ABCC12: variants seen among roughly 807,000 people sequenced by gnomAD.
ABCC12 encodes ATP-binding cassette sub-family C member 12.
ABCC12 carries 142 observed loss-of-function variants against 151.1 expected under a neutral mutation model. The observed-to-expected ratio is 0.94, with a 90% CI of 0.82 to 1.08. The LOEUF (loss-of-function observed/expected upper bound fraction) is 1.08, where lower values mean the gene tolerates loss of function less well. Ranked by LOEUF, ABCC12 falls within the 50% of genes least tolerant of loss-of-function variation. The probability of loss-of-function intolerance (pLI) is 0.00; values close to 1 mark genes in which losing one functional copy is unlikely to be tolerated. For synonymous variants in ABCC12, 645 were observed against 646.4 expected (o/e 1.00, Z 0.03); for missense variants, 1,638 against 1,691.1 (o/e 0.97, Z 0.55).
chr16:48,129,566 C>T (rs944085662), intron 10 of ABCC12, among the ~76,000 whole-genome samples: 3 of 152,122 alleles, frequency 2.0e-5, no homozygotes, highest in Admixed American at 6.5e-5. Context: ...ACTGAGAACC[C>T]ACAGCTGGAG....
chr16:48,137,013 A>G (rs1964633243), intron 8 of ABCC12, among the ~76,000 whole-genome samples: 1 of 152,186 alleles, frequency 6.6e-6, no homozygotes, highest in East Asian at 1.9e-4. Flanking sequence ...AGAAGCCACT[A>G]TTTTCCAACA....
At chr16:48,138,182 T>C in intron 8 of ABCC12, 46 bp downstream of exon 8, 1 of 1,554,858 alleles carries the variant, frequency 6.4e-7, no homozygotes, top group South Asian at 1.2e-5. Context: ...TAGAAGAGCA[T>C]ATTCTACAAG....
chr16:48,111,845 G>T lies in ABCC12; in HGVS notation c.2055C>A (p.His685Gln). ...EDGEICEKGT[H>Q]KELMEERGRY... ...GCCCTCTCTCCTCCATTAACTCCTT[G>T]TGGGTTCCCTTTTCACAAATCTCTC... is the stretch of plus-strand genomic sequence containing the variant. The change falls in exon 16 of 31, where the codon CAC becomes CAA. Residue 685 changes from histidine (H) to glutamine (Q), a missense_variant. Physicochemically the swap from His to Gln is conservative, Grantham distance 24. Transcript: ENST00000311303. 3.7e-6 allele frequency: 6 copies of T among 1,614,136 alleles called. No homozygotes were observed. Among genetic ancestry groups the T allele is most frequent in the Non-Finnish European group, 5.1e-6 (6 of 1,180,036 alleles).
At chr16:48,096,972 G>T (rs1162295787) in intron 23 of ABCC12, 70 bp from the exon 24 acceptor site, 1 of 1,598,548 alleles carries the variant, frequency 6.3e-7, no homozygotes, top group East Asian at 2.2e-5. Flanking sequence ...AGATCAGGTT[G>T]TGCTGTAGAC....
At chr16:48,141,100 A>G in intron 5 of ABCC12, 106 bp downstream of exon 5, 1 of 1,495,998 alleles carries the variant, frequency 6.7e-7, no homozygotes, top group Non-Finnish European at 9.0e-7. Flanking sequence ...GAGCGCAAAG[A>G]TAATGACAAT....
At chr16:48,140,295 C>G (rs989213834) in intron 6 of ABCC12, among the ~76,000 whole-genome samples, 1 of 151,990 alleles carries the variant, frequency 6.6e-6, no homozygotes, top group Non-Finnish European at 1.5e-5. Context: ...TAGGCATGGT[C>G]TTCATTGTGG....
At chr16:48,120,421 C>T (rs1964026156) in intron 13 of ABCC12, among the ~76,000 whole-genome samples, 1 of 152,144 alleles carries the variant, frequency 6.6e-6, no homozygotes, top group Admixed American at 6.5e-5. Flanking sequence ...CAGCATCACA[C>T]TATATACCCC....
chr16:48,135,260 T>A (rs1964570667), intron 8 of ABCC12, among the ~76,000 whole-genome samples: 1 of 152,182 alleles, frequency 6.6e-6, no homozygotes, highest in African/African-American at 2.4e-5. Flanking sequence ...AAGGCCCTCC[T>A]TTCTCCTGCG....
intron 14 of ABCC12, among the ~76,000 whole-genome samples, chr16:48,116,375 C>T (rs1258200610): frequency 6.6e-6 from 1 of 152,184 alleles, no homozygotes; most frequent in Non-Finnish European, 1.5e-5. Flanking sequence ...AGCAGAATTT[C>T]ACAAGCGCCT....
chr16:48,145,292 A>G (rs1190301456), intron 3 of ABCC12, among the ~76,000 whole-genome samples: 1 of 152,176 alleles, frequency 6.6e-6, no homozygotes, highest in African/African-American at 2.4e-5. Context: ...AGAACAAACC[A>G]CAGGGCCTCG....
At chr16:48,108,128 T>C (rs1187545721) in intron 19 of ABCC12, among the ~76,000 whole-genome samples, 1 of 152,196 alleles carries the variant, frequency 6.6e-6, no homozygotes, top group Non-Finnish European at 1.5e-5. Flanking sequence ...GCATCTTTTA[T>C]GGAAGGCTGG....
At chr16:48,110,507 G>A (rs1963647895) in intron 18 of ABCC12, among the ~76,000 whole-genome samples, 1 of 152,178 alleles carries the variant, frequency 6.6e-6, no homozygotes, top group South Asian at 2.1e-4. Context: ...CCAGCATGGG[G>A]CAAGGGGCAG....
chr16:48,101,659 T>C (rs1446390684), intron 22 of ABCC12, among the ~76,000 whole-genome samples: 1 of 151,752 alleles, frequency 6.6e-6, no homozygotes, highest in African/African-American at 2.4e-5. Flanking sequence ...GGAAGTCTCA[T>C]TAGTGCAGAG....
chr16:48,123,304 C>G (rs79865565), intron 12 of ABCC12, among the ~76,000 whole-genome samples: 7 of 152,128 alleles, frequency 4.6e-5, no homozygotes, highest in Non-Finnish European at 7.4e-5. Context: ...CTATGGCTCA[C>G]GCTGACTCAT....
At chr16:48,117,521 C>A (rs886433449) in intron 13 of ABCC12, among the ~76,000 whole-genome samples, 188 bp from the exon 14 acceptor site, 1 of 152,212 alleles carries the variant, frequency 6.6e-6, no homozygotes, top group South Asian at 2.1e-4. Context: ...GACCACTGGC[C>A]CCTCCCCTGA....
At position 48,140,778 on chromosome 16, in the gene ABCC12, C is replaced by G; in HGVS notation, c.566G>C (p.Arg189Pro). ...FWALAWAINYRTAIRLKVALS... is the reference protein window; with the variant it reads ...FWALAWAINYPTAIRLKVALS... ...CGCCACCTTCAACCGGATGGCCGTG[C>G]GGTAGTTGATGGCCCAGGCAAGGGC... The change falls in exon 6 of 31, where the codon CGC becomes CCC. Residue 189 changes from arginine to proline, a missense_variant. By Grantham distance (103) the Arg-to-Pro change is moderately radical. Coordinates refer to ENST00000311303, the MANE Select transcript of ABCC12 (RefSeq NM_001393797.1). The G allele has an allele frequency of 6.2e-7, 1 of 1,614,148 alleles. No homozygotes were observed. The highest frequency in any genetic ancestry group is 8.5e-7 in the Non-Finnish European group (1 of 1,180,034).
chr16:48,110,933 C>T (rs940861650), intron 18 of ABCC12, among the ~76,000 whole-genome samples: 10 of 152,176 alleles, frequency 6.6e-5, no homozygotes, highest in Admixed American at 1.3e-4. Flanking sequence ...CAATGCTTAA[C>T]CTTTATTTGT....
At position 48,083,454 on chromosome 16, in the gene ABCC12, G is replaced by A. The variant is rs761515229; in HGVS notation, c.*261C>T. ...TGAAAACACATGAGGAACCCTTGGG[G>A]ATTTGGGAGGTGAAGGGCAGTTTTT... is the stretch of plus-strand genomic sequence containing the variant. On this transcript the variant is annotated 3_prime_UTR_variant, in exon 31 of 31. Coordinates refer to ENST00000311303, the MANE Select transcript of ABCC12 (RefSeq NM_001393797.1). 2 of 443,736 alleles carry A rather than the reference G, an allele frequency of 4.5e-6. No individual in the cohort carries two copies. The highest frequency in any genetic ancestry group is 3.9e-6 in the Non-Finnish European group (1 of 253,854). 27.5% of individuals were successfully genotyped at this position (443,736 alleles called of 1,614,324 possible).
chr16:48,095,630 A>G (rs1963069543), intron 24 of ABCC12, among the ~76,000 whole-genome samples: 1 of 152,214 alleles, frequency 6.6e-6, no homozygotes, highest in Admixed American at 6.5e-5. Flanking sequence ...AAGAACATGG[A>G]AACTGAGAGA....
Sources: allele counts gnomAD v4.1 joint callset (sites outside exome capture counted in the v4.1 genomes callset), GRCh38; gene constraint gnomAD v4.1.1; transcripts MANE v1.5; gene names NCBI Gene and HGNC (gene_info 2026-07-23, HGNC 2026-07-21).